HTR4: variants seen among roughly 807,000 people sequenced by gnomAD.
HTR4 encodes the protein 5-hydroxytryptamine (serotonin) receptor 4, G protein-coupled.
HTR4 carries 16 observed loss-of-function variants against 36.8 expected under a neutral mutation model. The ratio of observed to expected loss-of-function variants is 0.43; its 90% confidence interval spans 0.29 to 0.66. HTR4 has a LOEUF of 0.66. Among genes scored for constraint, HTR4 ranks in the 30% least tolerant of loss-of-function variants. The pLI is 0.13. For synonymous variants in HTR4, 189 were observed against 185.1 expected (o/e 1.02, Z -0.17); for missense variants, 438 against 490.9 (o/e 0.89, Z 1.02).
chr5:148,520,261 T>C (rs1407033398), intron 5 of HTR4, among the ~76,000 whole-genome samples: 1 of 152,198 alleles, frequency 6.6e-6, no homozygotes, highest in African/African-American at 2.4e-5. Context: ...TTAGCCATGT[T>C]AACAATAAAC....
chr5:148,517,615 A>C (rs1757816186), intron 5 of HTR4, among the ~76,000 whole-genome samples: 1 of 143,158 alleles, frequency 7.0e-6, no homozygotes, highest in South Asian at 2.2e-4. Flanking sequence ...TTTTCCTTTC[A>C]CATTCCTCTT....
At chr5:148,572,463 C>T (rs1447821840) in intron 2 of HTR4, among the ~76,000 whole-genome samples, 2 of 152,110 alleles carry the variant, frequency 1.3e-5, no homozygotes, top group East Asian at 3.9e-4. Context: ...AATTTAATCA[C>T]CAGTGGCATA....
At chr5:148,513,950 T>A (rs929649204) in intron 5 of HTR4, among the ~76,000 whole-genome samples, 1 of 152,202 alleles carries the variant, frequency 6.6e-6, no homozygotes, top group Non-Finnish European at 1.5e-5. Context: ...ATTTTTATTG[T>A]AAGCTGGCTA....
intron 2 of HTR4, among the ~76,000 whole-genome samples, chr5:148,597,849 G>A (rs567420043): frequency 2.0e-5 from 3 of 152,320 alleles, no homozygotes; most frequent in Non-Finnish European, 4.4e-5. Flanking sequence ...CCAGATCAGT[G>A]AGAACAAGTA....
intron 5 of HTR4, among the ~76,000 whole-genome samples, chr5:148,453,003 C>T (rs1336258686): frequency 6.6e-6 from 1 of 152,188 alleles, no homozygotes; most frequent in Non-Finnish European, 1.5e-5. Flanking sequence ...TGGCTGGCTT[C>T]TTGTGCAGCT....
chr5:148,541,713 G>C (rs1342146024), intron 4 of HTR4, among the ~76,000 whole-genome samples: 8 of 152,200 alleles, frequency 5.3e-5, no homozygotes, highest in Non-Finnish European at 1.2e-4. Flanking sequence ...AGGAGTTGAG[G>C]TAGGAAAATC....
At chr5:148,569,155 A>C (rs1271043599) in intron 2 of HTR4, among the ~76,000 whole-genome samples, 2 of 152,042 alleles carry the variant, frequency 1.3e-5, no homozygotes, top group Admixed American at 1.3e-4. Flanking sequence ...TCATATTTGT[A>C]ATATTTTATA....
At chr5:148,572,102 G>A (rs1426237944) in intron 2 of HTR4, among the ~76,000 whole-genome samples, 12 of 152,070 alleles carry the variant, frequency 7.9e-5, no homozygotes, top group Admixed American at 2.0e-4. Flanking sequence ...AATATGCAAC[G>A]TAATGTAATA....
At chr5:148,641,271 T>TA (rs1753720979) in intron 1 of HTR4, among the ~76,000 whole-genome samples, 1 of 152,180 alleles carries the variant, frequency 6.6e-6, no homozygotes, top group Admixed American at 6.5e-5. Context: ...GTGTCACTTC[T>TA]AAAAATTCTG....
At chr5:148,616,553 A>G (rs191159139) in intron 2 of HTR4, among the ~76,000 whole-genome samples, 2 of 152,328 alleles carry the variant, frequency 1.3e-5, no homozygotes, top group African/African-American at 4.8e-5. Context: ...CTGTGATAAT[A>G]TAATATTATT....
At chr5:148,580,563 T>C (rs754223806) in intron 2 of HTR4, among the ~76,000 whole-genome samples, 131 of 152,228 alleles carry the variant, frequency 8.6e-4, no homozygotes, top group Non-Finnish European at 1.6e-3. Context: ...CATCATTTTA[T>C]TATCTACTTC....
chr5:148,609,582 T>G (rs936792031), intron 2 of HTR4, among the ~76,000 whole-genome samples: 3 of 42,382 alleles, frequency 7.1e-5, no homozygotes, highest in African/African-American at 2.9e-4. Context: ...TTTTTAAGGG[T>G]TTTTTTTTTT....
chr5:148,525,650 A>G (rs1758233778), intron 4 of HTR4, among the ~76,000 whole-genome samples: 1 of 152,160 alleles, frequency 6.6e-6, no homozygotes, highest in South Asian at 2.1e-4. Context: ...GATCTTTTGC[A>G]GCATGCTCTT....
At chr5:148,620,159 C>A (rs1391113478) in intron 2 of HTR4, among the ~76,000 whole-genome samples, 1 of 152,204 alleles carries the variant, frequency 6.6e-6, no homozygotes, top group African/African-American at 2.4e-5. Flanking sequence ...GAGAGCTTCA[C>A]AGCCTCGACA....
At chr5:148,587,680 T>C (rs1207645457) in intron 2 of HTR4, among the ~76,000 whole-genome samples, 1 of 152,164 alleles carries the variant, frequency 6.6e-6, no homozygotes, top group African/African-American at 2.4e-5. Flanking sequence ...AATTACTGTT[T>C]ACTCTTTCCA....
intron 4 of HTR4, among the ~76,000 whole-genome samples, chr5:148,528,566 G>T (rs1262360878): frequency 6.6e-6 from 1 of 151,816 alleles, no homozygotes; most frequent in Non-Finnish European, 1.5e-5. Flanking sequence ...CTGAATAAAG[G>T]GATTAATAAA....
intron 2 of HTR4, among the ~76,000 whole-genome samples, chr5:148,624,159 C>T (rs1581561293): frequency 1.3e-5 from 2 of 152,162 alleles, no homozygotes; most frequent in Non-Finnish European, 2.9e-5. Context: ...GTAGTAGCAG[C>T]ACTTGTAGAA....
chr5:148,515,727 C>T (rs1022688043), intron 5 of HTR4, among the ~76,000 whole-genome samples: 1 of 151,104 alleles, frequency 6.6e-6, no homozygotes, highest in Non-Finnish European at 1.5e-5. Context: ...TCTCTAATTA[C>T]TTTTGAGATT....
At chr5:148,649,464 C>T (rs530480849) in intron 1 of HTR4, among the ~76,000 whole-genome samples, 143 of 152,184 alleles carry the variant, frequency 9.4e-4, no homozygotes, top group African/African-American at 3.0e-3. Context: ...AATACAAACT[C>T]GATGGACAGA....
Sources: allele counts gnomAD v4.1 joint callset (sites outside exome capture counted in the v4.1 genomes callset), GRCh38; gene constraint gnomAD v4.1.1; transcripts MANE v1.5; gene names NCBI Gene and HGNC (gene_info 2026-07-23, HGNC 2026-07-21).